The following SUCLG2 variants were observed in gnomAD, a reference collection of about 807,000 sequenced individuals.
SUCLG2 encodes the protein succinate--CoA ligase [GDP-forming] subunit beta, mitochondrial.
In SUCLG2, 42 loss-of-function variants were observed where a neutral mutation model predicts 47.9. The ratio of observed to expected loss-of-function variants is 0.88; its 90% confidence interval spans 0.69 to 1.14. The LOEUF is 1.14. Ranked by LOEUF, SUCLG2 falls within the 50% of genes most tolerant of loss-of-function variation. The pLI is 0.00. For missense variants in SUCLG2, 571 were observed against 525.9 expected, an observed-to-expected ratio of 1.09 and a Z score of -0.84; for synonymous variants, 195 against 197.3, an observed-to-expected ratio of 0.99 and a Z score of 0.10.
At chr3:67,361,751 T>C (rs1253723931) in intron 10 of SUCLG2, among the ~76,000 whole-genome samples, 1 of 152,196 alleles carries the variant, frequency 6.6e-6, no homozygotes, top group Admixed American at 6.5e-5. Context: ...AGGTAGAGTA[T>C]ATTTGGGGTA....
intron 2 of SUCLG2, among the ~76,000 whole-genome samples, chr3:67,590,988 G>T (rs1018344881): frequency 6.6e-6 from 1 of 152,090 alleles, no homozygotes; most frequent in Admixed American, 6.5e-5. Flanking sequence ...TTGTAGAGAG[G>T]TGCCAACTAA....
chr3:67,521,133 T>A (rs2107129955), intron 4 of SUCLG2, among the ~76,000 whole-genome samples: 2 of 152,354 alleles, frequency 1.3e-5, no homozygotes, highest in South Asian at 4.1e-4. Context: ...ATTTTATACT[T>A]CCTTTTAATT....
chr3:67,430,700 A>G (rs538178203), intron 9 of SUCLG2, among the ~76,000 whole-genome samples: 5 of 152,248 alleles, frequency 3.3e-5, no homozygotes, highest in East Asian at 1.9e-4. Context: ...TTGATAGACC[A>G]CTAGCAAGAT....
chr3:67,651,373 CTT>C (rs1474844206), intron 1 of SUCLG2, among the ~76,000 whole-genome samples: 1 of 152,158 alleles, frequency 6.6e-6, no homozygotes, highest in Non-Finnish European at 1.5e-5. Context: ...TCATCTCAGT[CTT>C]TGCACTTGCT....
At chr3:67,433,701 C>G (rs950609503) in intron 9 of SUCLG2, among the ~76,000 whole-genome samples, 1 of 151,408 alleles carries the variant, frequency 6.6e-6, no homozygotes, top group African/African-American at 2.4e-5. Context: ...GAGTTCCTAG[C>G]AGAATTAATA....
intron 10 of SUCLG2, among the ~76,000 whole-genome samples, chr3:67,362,618 C>A (rs1254124141): frequency 2.0e-5 from 3 of 152,138 alleles, no homozygotes; most frequent in Non-Finnish European, 2.9e-5. Context: ...TGTATCCTAA[C>A]GCAGCAGATA....
intron 2 of SUCLG2, among the ~76,000 whole-genome samples, chr3:67,547,966 C>T (rs28626884): frequency 0.023 from 3,572 of 152,248 alleles, 140 homozygotes; most frequent in African/African-American, 0.081. Flanking sequence ...AACAAAATCG[C>T]CTCATTCTCC....
At chr3:67,480,272 C>T (rs1704878858) in intron 9 of SUCLG2, among the ~76,000 whole-genome samples, 1 of 152,102 alleles carries the variant, frequency 6.6e-6, no homozygotes, top group African/African-American at 2.4e-5. Flanking sequence ...AAGTAACTCA[C>T]AGAAATAAGG....
At chr3:67,562,562 G>T (rs1388511592) in intron 2 of SUCLG2, among the ~76,000 whole-genome samples, 1 of 152,230 alleles carries the variant, frequency 6.6e-6, no homozygotes, top group African/African-American at 2.4e-5. Flanking sequence ...ACAGGCGTGA[G>T]CCACTGCGCC....
Position 67,598,133 on chromosome 3 carries a change from G to A in SUCLG2, c.226+11322C>T, listed in dbSNP as rs144136902. Among the ~76,000 whole-genome samples, 1,045 of 151,838 alleles carry A rather than the reference G, an allele frequency of 6.9e-3. 15 individuals carry two copies. Among genetic ancestry groups the A allele is most frequent in the African/African-American group, 0.024 (989 of 41,448 alleles). ...GTAGCTGGGACTACAGGCGCATGCCGCCATGCCCAGCTAATTTTTTTGTAT... is the reference window on the plus strand; with the variant it reads ...GTAGCTGGGACTACAGGCGCATGCCACCATGCCCAGCTAATTTTTTTGTAT... On this transcript the variant is annotated intron_variant, in intron 2 of 10. Transcript: ENST00000307227.
intron 6 of SUCLG2, 43 bp downstream of exon 6, chr3:67,518,204 T>G (rs769616848): frequency 9.4e-5 from 143 of 1,514,626 alleles, no homozygotes; most frequent in Non-Finnish European, 1.2e-4. Context: ...CCAAATGTTT[T>G]CTGAAACAAG....
chr3:67,456,627 T>C (rs1469026916), intron 9 of SUCLG2, among the ~76,000 whole-genome samples: 1 of 152,200 alleles, frequency 6.6e-6, no homozygotes, highest in Non-Finnish European at 1.5e-5. Flanking sequence ...AAATCAATTG[T>C]AAGCCAGACA....
At chr3:67,524,485 C>T (rs551963868) in intron 4 of SUCLG2, among the ~76,000 whole-genome samples, 7 of 152,196 alleles carry the variant, frequency 4.6e-5, no homozygotes, top group East Asian at 1.9e-4. Flanking sequence ...AATCCTGGAC[C>T]GCATGATGAG....
At chr3:67,624,871 A>C (rs928014589) in intron 1 of SUCLG2, among the ~76,000 whole-genome samples, 1 of 152,262 alleles carries the variant, frequency 6.6e-6, no homozygotes, top group Admixed American at 6.5e-5. Flanking sequence ...GAAATGTGTG[A>C]AATACATACT....
At chr3:67,512,490 C>T (rs1164846844) in intron 6 of SUCLG2, among the ~76,000 whole-genome samples, 6 of 150,600 alleles carry the variant, frequency 4.0e-5, no homozygotes, top group Admixed American at 2.6e-4. Flanking sequence ...AGTCAACACT[C>T]GATAAATATC....
At chr3:67,620,604 GAAAGAAA>G (rs1346139146) in intron 1 of SUCLG2, among the ~76,000 whole-genome samples, 1 of 106,410 alleles carries the variant, frequency 9.4e-6, no homozygotes, top group Non-Finnish European at 2.0e-5. Flanking sequence ...AAAAAAAAAA[GAAAGAAA>G]AAAGAAAAAG....
intron 10 of SUCLG2, among the ~76,000 whole-genome samples, chr3:67,362,434 G>A (rs1182983832): frequency 6.6e-6 from 1 of 152,062 alleles, no homozygotes; most frequent in African/African-American, 2.4e-5. Flanking sequence ...CTTTAAAATT[G>A]CAATATATTT....
intron 9 of SUCLG2, among the ~76,000 whole-genome samples, chr3:67,453,929 G>GGTTGTC (rs151175053): frequency 0.027 from 4,085 of 152,296 alleles, 69 homozygotes; most frequent in African/African-American, 0.05. Flanking sequence ...AAACCCCCAA[G>GGTTGTC]GTTGTCGTTG....
chr3:67,561,053 C>T (rs1196660941), intron 2 of SUCLG2, among the ~76,000 whole-genome samples: 2 of 146,848 alleles, frequency 1.4e-5, no homozygotes, highest in Non-Finnish European at 3.0e-5. Flanking sequence ...TCTGACTCCA[C>T]AAGATGCTAA....
Sources: allele counts gnomAD v4.1 joint callset (sites outside exome capture counted in the v4.1 genomes callset), GRCh38; gene constraint gnomAD v4.1.1; transcripts MANE v1.5; gene names NCBI Gene and HGNC (gene_info 2026-07-23, HGNC 2026-07-21).